Variants in CLCA1 observed in about 807,000 individuals in gnomAD.
The protein encoded by CLCA1 is calcium-activated chloride channel regulator 1.
A neutral mutation model predicts 85.6 loss-of-function variants in CLCA1; 59 were observed. That is an observed-to-expected ratio of 0.69 (90% CI 0.56 to 0.86). The LOEUF is 0.86. CLCA1 is among the 40% of genes least tolerant of loss of function. The pLI, the probability that CLCA1 is intolerant of heterozygous loss-of-function variation, is 0.00. For missense variants in CLCA1, 1,022 were observed against 1,101.4 expected (o/e 0.93, Z 1.02); for synonymous variants, 396 against 398.3 (o/e 0.99, Z 0.07).
intron 4 of CLCA1, among the ~76,000 whole-genome samples, chr1:86,480,552 G>A (rs2101733989): frequency 6.6e-6 from 1 of 152,222 alleles, no homozygotes; most frequent in East Asian, 1.9e-4. Flanking sequence ...GAGCCTGGGG[G>A]TGAGGTTGAA....
intron 4 of CLCA1, 21 bp from the exon 5 acceptor site, chr1:86,482,184 C>A: frequency 6.3e-7 from 1 of 1,599,672 alleles, no homozygotes; most frequent in Non-Finnish European, 8.6e-7. Flanking sequence ...ACCTAAACAT[C>A]TAACCTTCCT....
At position 86,473,889 on chromosome 1, in the gene CLCA1, C is replaced by T. The variant is rs764677975; in HGVS notation, c.451+13C>T. 7 of 1,577,754 alleles carry T rather than the reference C, an allele frequency of 4.4e-6. No homozygotes were observed. Among genetic ancestry groups the T allele is most frequent in the Non-Finnish European group, 4.3e-6 (5 of 1,159,002 alleles). Reference sequence around the variant, plus strand: ...TATGGACCACAAGGTATGAAATATTCTACCATACTTCTCATACAATTTAAC... The same window carrying T: ...TATGGACCACAAGGTATGAAATATTTTACCATACTTCTCATACAATTTAAC... On this transcript the variant is annotated intron_variant, in intron 3 of 13. Transcript: ENST00000394711.
chr1:86,484,802 T>C (rs970091157), intron 5 of CLCA1, among the ~76,000 whole-genome samples: 6 of 151,930 alleles, frequency 3.9e-5, no homozygotes, highest in African/African-American at 1.2e-4. Context: ...GGGTGCATAG[T>C]GGTGACATCA....
At chr1:86,469,752 A>G (rs1447952462) in intron 1 of CLCA1, among the ~76,000 whole-genome samples, 1 of 152,230 alleles carries the variant, frequency 6.6e-6, no homozygotes, top group Non-Finnish European at 1.5e-5. Flanking sequence ...GTCTTGTACA[A>G]CAACAAACAG....
chr1:86,480,932 A>G (rs1316700910), intron 4 of CLCA1, among the ~76,000 whole-genome samples: 1 of 152,148 alleles, frequency 6.6e-6, no homozygotes, highest in Admixed American at 6.6e-5. Context: ...AAAATGTTCA[A>G]ACTTTTGGAT....
chr1:86,494,434 T>C lies in CLCA1; in HGVS notation c.1928T>C (p.Leu643Pro). 6.2e-7 allele frequency: 1 copy of C among 1,614,032 alleles called. No homozygotes were observed. Among genetic ancestry groups the C allele is most frequent in the Admixed American group, 1.7e-5 (1 of 60,028 alleles). ...GGAAAAACAGTTACCTTGGAACTAC[T>C]GGATAATGGAGCAGGTAATCACCCA... ...VNGKTVTLEL[L>P]DNGAGADATK... Residue 643 changes from leucine to proline, a missense_variant, in exon 11 of 14, where the codon CTG (leucine) becomes CCG (proline). Physicochemically the swap from Leu to Pro is moderately conservative, Grantham distance 98. Coordinates refer to ENST00000394711, the MANE Select transcript of CLCA1 (RefSeq NM_001285.4).
intron 8 of CLCA1, 37 bp downstream of exon 8, chr1:86,489,207 CT>C: frequency 6.3e-7 from 1 of 1,587,450 alleles, no homozygotes; most frequent in South Asian, 1.1e-5. Flanking sequence ...GGTATTGTCT[CT>C]CCTACTGGAC....
At chr1:86,469,389 T>C (rs573768831) in intron 1 of CLCA1, among the ~76,000 whole-genome samples, 2 of 152,338 alleles carry the variant, frequency 1.3e-5, no homozygotes, top group African/African-American at 2.4e-5. Context: ...TGATATGTAC[T>C]GCTGTGGATT....
chr1:86,469,025 G>A lies in CLCA1; in HGVS notation c.54G>A (p.Gly18=). 2 of 1,613,058 alleles carry A rather than the reference G, an allele frequency of 1.2e-6. No homozygotes were observed. The highest frequency in any genetic ancestry group is 2.2e-5 in the East Asian group (1 of 44,858). ...TCTTGATTCTTCACCTTCTAGAAGG[G>A]GCCCTGAGTAATTCACTCATTCAGC... ...VFILILHLLE[G]ALSNSLIQLN... The change falls in exon 1 of 14, where the codon GGG becomes GGA. Residue 18 remains glycine, a synonymous_variant. Coordinates refer to ENST00000394711, the MANE Select transcript of CLCA1 (RefSeq NM_001285.4).
At chr1:86,482,041 A>G (rs1647836040) in intron 4 of CLCA1, among the ~76,000 whole-genome samples, 164 bp from the exon 5 acceptor site, 1 of 152,230 alleles carries the variant, frequency 6.6e-6, no homozygotes, top group African/African-American at 2.4e-5. Context: ...GCAAACAGAA[A>G]TGACTCTGAT....
intron 3 of CLCA1, among the ~76,000 whole-genome samples, chr1:86,474,318 G>A (rs989308770): frequency 2.6e-5 from 4 of 152,196 alleles, no homozygotes; most frequent in Admixed American, 6.5e-5. Context: ...CCTTTAGGAG[G>A]CCGAGGCGGG....
At position 86,500,066 on chromosome 1, in the gene CLCA1, A is replaced by G; in HGVS notation, c.*21A>G. The G allele has an allele frequency of 1.3e-6, 2 of 1,507,840 alleles. No homozygotes were observed. Among genetic ancestry groups the G allele is most frequent in the Non-Finnish European group, 1.8e-6 (2 of 1,108,110 alleles). 93.4% of individuals were successfully genotyped at this position (1,507,840 alleles called of 1,614,324 possible). ...CCTAGGGCTGAATTTTTGTCAGATAAATAAAATAAATCATTCATCCTTTTT... is the reference window on the plus strand; with the variant it reads ...CCTAGGGCTGAATTTTTGTCAGATAGATAAAATAAATCATTCATCCTTTTT... On this transcript the variant is annotated 3_prime_UTR_variant, in exon 14 of 14. Coordinates refer to ENST00000394711, the MANE Select transcript of CLCA1 (RefSeq NM_001285.4).
At chr1:86,474,361 T>C (rs1263816162) in intron 3 of CLCA1, among the ~76,000 whole-genome samples, 3 of 152,192 alleles carry the variant, frequency 2.0e-5, no homozygotes, top group Non-Finnish European at 4.4e-5. Context: ...AAGACCATCC[T>C]GGCTAACACA....
intron 7 of CLCA1, among the ~76,000 whole-genome samples, chr1:86,488,346 A>G (rs551590005): frequency 6.6e-6 from 1 of 152,358 alleles, no homozygotes; most frequent in African/African-American, 2.4e-5. Flanking sequence ...CATTGGCAGA[A>G]GGAGTATCCT....
intron 8 of CLCA1, among the ~76,000 whole-genome samples, chr1:86,490,110 G>A (rs1648095667): frequency 3.3e-5 from 5 of 152,194 alleles, no homozygotes. Flanking sequence ...GAGACAGGAG[G>A]GTGGCCTTTT....
At chr1:86,475,942 A>G (rs1484381580) in intron 3 of CLCA1, among the ~76,000 whole-genome samples, 3 of 152,198 alleles carry the variant, frequency 2.0e-5, no homozygotes, top group African/African-American at 4.8e-5. Flanking sequence ...TATTGCAGCA[A>G]TTCAGGAGTA....
At chr1:86,486,775 TA>T in intron 7 of CLCA1, 22 bp downstream of exon 7, 2 of 1,604,318 alleles carry the variant, frequency 1.2e-6, no homozygotes, top group Non-Finnish European at 1.7e-6. Flanking sequence ...TTTTCTATTG[TA>T]GTTTGGAATG....
intron 12 of CLCA1, among the ~76,000 whole-genome samples, chr1:86,498,156 AAGG>A: frequency 6.0e-5 from 2 of 33,368 alleles, no homozygotes; most frequent in South Asian, 2.7e-3. Context: ...AAAACAAAGA[AAGG>A]AAGGAAGGAA....
intron 4 of CLCA1, among the ~76,000 whole-genome samples, chr1:86,477,698 CA>C (rs1477064072): frequency 6.6e-6 from 1 of 152,040 alleles, no homozygotes; most frequent in African/African-American, 2.4e-5. Context: ...ATATTAAAGC[CA>C]AGTAAGAATG....
Sources: gnomAD v4.1 joint callset for allele counts (sites outside exome capture counted in the v4.1 genomes callset) on GRCh38, gnomAD v4.1.1 for gene constraint, MANE v1.5 for transcripts, NCBI Gene and HGNC (gene_info 2026-07-23, HGNC 2026-07-21) for gene names.